ATP10D: variants seen among roughly 807,000 people sequenced by gnomAD.
ATP10D encodes ATPase phospholipid transporting 10D (putative).
In ATP10D, 89 loss-of-function variants were observed where a neutral mutation model predicts 144.8. The ratio of observed to expected loss-of-function variants is 0.61; its 90% CI spans 0.52 to 0.73. The LOEUF (loss-of-function observed/expected upper bound fraction) is 0.73, where lower values mean the gene tolerates loss of function less well. Ranked by LOEUF, ATP10D falls within the 30% of genes least tolerant of loss-of-function variation. The pLI is 0.00. For synonymous variants in ATP10D, 571 were observed against 615.1 expected (o/e 0.93, Z 1.06); for missense variants, 1,603 against 1,714.8 (o/e 0.93, Z 1.15).
intron 5 of ATP10D, among the ~76,000 whole-genome samples, chr4:47,527,957 T>C (rs1489392792): frequency 6.6e-6 from 1 of 152,156 alleles, no homozygotes; most frequent in Non-Finnish European, 1.5e-5. Context: ...AGCAGCTTTA[T>C]TTGTAATAGC....
Position 47,512,517 on chromosome 4 carries a change from C to T in ATP10D, c.-24C>T, listed in dbSNP as rs780223140. Reference sequence around the variant, plus strand: ...TTTGTTTGCCAGGTCAGCTACACAACCTGGATCTTACCACAGTTTGGATAT... The same window carrying T: ...TTTGTTTGCCAGGTCAGCTACACAATCTGGATCTTACCACAGTTTGGATAT... On this transcript the variant is annotated 5_prime_UTR_variant, in exon 2 of 23. Transcript: ENST00000273859. The T allele has an allele frequency of 3.1e-6, 5 of 1,592,662 alleles. No individual in the cohort carries two copies. The highest frequency in any genetic ancestry group is 4.3e-6 in the Non-Finnish European group (5 of 1,166,146).
intron 22 of ATP10D, among the ~76,000 whole-genome samples, chr4:47,587,575 A>G (rs1720850142): frequency 6.6e-6 from 1 of 152,116 alleles, no homozygotes; most frequent in African/African-American, 2.4e-5. Context: ...GGAATTTATA[A>G]ACAGAAATTT....
chr4:47,502,325 G>T (rs1003902762), intron 1 of ATP10D, among the ~76,000 whole-genome samples: 7 of 152,062 alleles, frequency 4.6e-5, no homozygotes, highest in African/African-American at 1.4e-4. Flanking sequence ...CAAGAAATTA[G>T]CTGGGCGTGG....
chr4:47,519,444 C>G (rs7675970), intron 3 of ATP10D, among the ~76,000 whole-genome samples: 100,865 of 152,104 alleles, frequency 0.66, 34,307 homozygotes, highest in East Asian at 0.97. Context: ...GGAGATGCAA[C>G]AAGTTCTAGT....
chr4:47,564,254 G>A (rs545875699), intron 15 of ATP10D, among the ~76,000 whole-genome samples: 1 of 151,972 alleles, frequency 6.6e-6, no homozygotes, highest in Non-Finnish European at 1.5e-5. Flanking sequence ...TTGGAAGGAT[G>A]TCTATTCTTC....
intron 10 of ATP10D, among the ~76,000 whole-genome samples, chr4:47,554,035 G>A (rs1302962484): frequency 6.6e-6 from 1 of 152,102 alleles, no homozygotes; most frequent in African/African-American, 2.4e-5. Flanking sequence ...ACATTATTTT[G>A]TCAAAACTCG....
chr4:47,591,762 CG>C lies in ATP10D; in HGVS notation c.*383del, dbSNP rs1428402446. 1 of 155,178 alleles carries C rather than the reference CG, an allele frequency of 6.4e-6. No individual in the cohort carries two copies. Among genetic ancestry groups the C allele is most frequent in the Non-Finnish European group, 1.4e-5 (1 of 70,356 alleles). 9.6% of individuals were successfully genotyped at this position (155,178 alleles called of 1,614,324 possible). A position where few individuals can be genotyped will look rare whatever the true frequency, so the allele number is the denominator to read the frequency against. On this transcript the variant is annotated 3_prime_UTR_variant, in exon 23 of 23. Transcript: ENST00000273859. Reference sequence around the variant, plus strand: ...ATGCTTTAAATGGTCAGGCTCCAGTCGGAATTTTTTTAAGAAAAAAGTAGTT... The same window carrying C: ...ATGCTTTAAATGGTCAGGCTCCAGTCGAATTTTTTTAAGAAAAAAGTAGTT...
intron 1 of ATP10D, among the ~76,000 whole-genome samples, chr4:47,493,748 C>T (rs1715210426): frequency 6.6e-6 from 1 of 152,090 alleles, no homozygotes; most frequent in Admixed American, 6.6e-5. Context: ...ATTATCAGGC[C>T]ACTGCAGAGC....
chr4:47,524,916 C>T (rs1235025051), intron 4 of ATP10D, among the ~76,000 whole-genome samples: 2 of 152,008 alleles, frequency 1.3e-5, no homozygotes, highest in African/African-American at 4.8e-5. Context: ...ATATCAATAG[C>T]ATTTATCTTA....
chr4:47,497,313 G>A (rs1007033330), intron 1 of ATP10D, among the ~76,000 whole-genome samples: 1 of 152,156 alleles, frequency 6.6e-6, no homozygotes, highest in African/African-American at 2.4e-5. Context: ...GAATTAGCCG[G>A]GCGTGGTGGC....
At chr4:47,535,691 G>T (rs1251994767) in intron 6 of ATP10D, 76 bp downstream of exon 6, 1 of 1,474,562 alleles carries the variant, frequency 6.8e-7, no homozygotes, top group Non-Finnish European at 9.2e-7. Context: ...ACTCAAAAAT[G>T]CAATCTGTTG....
intron 3 of ATP10D, among the ~76,000 whole-genome samples, chr4:47,520,403 C>T (rs953126617): frequency 3.3e-5 from 5 of 152,142 alleles, no homozygotes; most frequent in Non-Finnish European, 4.4e-5. Flanking sequence ...TTTTCTTCCA[C>T]CTTGCCTTCT....
intron 3 of ATP10D, among the ~76,000 whole-genome samples, chr4:47,522,101 A>C (rs1215682039): frequency 6.6e-6 from 1 of 152,200 alleles, no homozygotes; most frequent in Non-Finnish European, 1.5e-5. Flanking sequence ...AATAAGACAG[A>C]CCTTGTTAAC....
At chr4:47,523,836 G>A (rs1717098160) in intron 4 of ATP10D, among the ~76,000 whole-genome samples, 1 of 152,160 alleles carries the variant, frequency 6.6e-6, no homozygotes, top group Non-Finnish European at 1.5e-5. Flanking sequence ...ATTTCACTAT[G>A]TATGAAAACA....
chr4:47,524,060 G>A (rs928593232), intron 4 of ATP10D, among the ~76,000 whole-genome samples: 9 of 152,162 alleles, frequency 5.9e-5, no homozygotes, highest in Admixed American at 6.5e-5. Flanking sequence ...CTGAGTAGCT[G>A]AGACTACAGG....
intron 15 of ATP10D, 32 bp from the exon 16 acceptor site, chr4:47,568,804 TG>T: frequency 2.5e-6 from 4 of 1,580,888 alleles, no homozygotes; most frequent in Non-Finnish European, 3.4e-6. Context: ...CAAGGGCGCC[TG>T]GAGGCTAACC....
At chr4:47,521,782 A>T (rs555454403) in intron 3 of ATP10D, among the ~76,000 whole-genome samples, 1 of 152,340 alleles carries the variant, frequency 6.6e-6, no homozygotes, top group East Asian at 1.9e-4. Context: ...ACTAGGGAAA[A>T]GTTTGGAAAA....
chr4:47,588,624 G>C (rs550421898), intron 22 of ATP10D, among the ~76,000 whole-genome samples: 23 of 152,072 alleles, frequency 1.5e-4, no homozygotes, highest in Non-Finnish European at 2.9e-4. Flanking sequence ...CGGCACAGTG[G>C]ACACAATCCT....
intron 6 of ATP10D, 24 bp downstream of exon 6, chr4:47,535,639 T>C (rs200070202): frequency 9.6e-5 from 152 of 1,581,946 alleles, no homozygotes; most frequent in Non-Finnish European, 1.3e-4. Context: ...CTAATTTTCA[T>C]TGTCTACTCT....
Sources: allele counts gnomAD v4.1 joint callset (sites outside exome capture counted in the v4.1 genomes callset), GRCh38; gene constraint gnomAD v4.1.1; transcripts MANE v1.5; gene names NCBI Gene and HGNC (gene_info 2026-07-23, HGNC 2026-07-21).